The following MYPOP variants were observed in gnomAD, a reference collection of about 807,000 sequenced individuals.
MYPOP encodes Myb related transcription factor, partner of profilin.
MYPOP carries 21 observed loss-of-function variants against 25.7 expected under a neutral mutation model. The observed-to-expected ratio is 0.82, with a 90% CI of 0.58 to 1.18. The LOEUF (loss-of-function observed/expected upper bound fraction) is 1.18. Ranked by LOEUF, MYPOP falls within the 50% of genes most tolerant of loss-of-function variation. The pLI is 0.00. For missense variants in MYPOP, 566 were observed against 588.3 expected (o/e 0.96, Z 0.39); for synonymous variants, 280 against 247.9 (o/e 1.13, Z -1.22).
intron 2 of MYPOP, among the ~76,000 whole-genome samples, chr19:45,895,776 CT>C (rs1967195094): frequency 6.6e-6 from 1 of 152,284 alleles, no homozygotes; most frequent in Admixed American, 6.6e-5. Flanking sequence ...GCTATGGGGC[CT>C]CAGCACTTGC....
intron 1 of MYPOP, among the ~76,000 whole-genome samples, chr19:45,902,119 G>A (rs1314109589): frequency 6.7e-6 from 1 of 149,194 alleles, no homozygotes; most frequent in African/African-American, 2.5e-5. Flanking sequence ...GAGAGGAGGT[G>A]TCTGCAGGAG....
chr19:45,899,158 G>A (rs528148171), intron 2 of MYPOP, among the ~76,000 whole-genome samples: 1 of 152,190 alleles, frequency 6.6e-6, no homozygotes, highest in Non-Finnish European at 1.5e-5. Flanking sequence ...CCTGGGAGGC[G>A]GAGGTTGCGG....
At position 45,901,287 on chromosome 19, in the gene MYPOP, C is replaced by T; in HGVS notation, c.487G>A (p.Asp163Asn). The T allele has an allele frequency of 6.9e-7, 1 of 1,449,464 alleles. No homozygotes were observed. The highest frequency in any genetic ancestry group is 9.1e-7 in the Non-Finnish European group (1 of 1,102,258). The allele number at this position is 1,449,464 out of a possible 1,614,324, so 89.8% of individuals were successfully genotyped here. A position where few individuals can be genotyped will look rare whatever the true frequency, so the allele number is the denominator to read the frequency against. The change falls in exon 2 of 3, where the codon GAC becomes AAC. Residue 163 changes from aspartate (D) to asparagine (N), a missense_variant. Asp to Asn is a conservative substitution (Grantham distance 23, BLOSUM62 1). Transcript: ENST00000322217. The surrounding 1 kb of genome is among the most constrained non-coding windows in gnomAD (Gnocchi z 5.7). ...TGAAGACACTCACCTGCACGTCGGTCCTCCCGGCGGTCTTCCGACAACACG... is the reference window on the plus strand; with the variant it reads ...TGAAGACACTCACCTGCACGTCGGTTCTCCCGGCGGTCTTCCGACAACACG... The part of the protein sequence containing the change: ...RYVLSEDRRE[D>N]RRADTSAHSK...
intron 2 of MYPOP, among the ~76,000 whole-genome samples, chr19:45,900,002 G>A (rs1967264138): frequency 6.6e-6 from 1 of 152,178 alleles, no homozygotes; most frequent in Non-Finnish European, 1.5e-5. Context: ...ATGGACTGGG[G>A]GTTGGACGCA....
chr19:45,898,081 G>A (rs747300556), intron 2 of MYPOP, among the ~76,000 whole-genome samples: 1 of 151,742 alleles, frequency 6.6e-6, no homozygotes, highest in South Asian at 2.1e-4. Flanking sequence ...GTGCCACCAC[G>A]TCCAGCTAAT....
At chr19:45,891,618 A>G (rs1967127754) in intron 2 of MYPOP, among the ~76,000 whole-genome samples, 2 of 151,862 alleles carry the variant, frequency 1.3e-5, no homozygotes, top group African/African-American at 2.4e-5. Flanking sequence ...TCTATTTTTA[A>G]TAAGAGACAG....
rs540285731 is a variant in MYPOP, at chr19:45,902,586, G to C, written c.-69C>G. The stretch of plus-strand genomic sequence containing the variant: ...GTCACTCACCGGCTCCGCCGCAGCC[G>C]CCGGTGGGTCAGGGCTCGGGCTTCT... On this transcript the variant is annotated 5_prime_UTR_variant, in exon 1 of 3. Coordinates refer to ENST00000322217, the MANE Select transcript of MYPOP (RefSeq NM_001012643.4). 6.6e-6 allele frequency: 1 copy of C among 152,350 alleles called. No homozygotes were observed. Among genetic ancestry groups the C allele is most frequent in the Non-Finnish European group, 1.5e-5 (1 of 68,036 alleles). 9.4% of individuals were successfully genotyped at this position (152,350 alleles called of 1,614,324 possible). A position where few individuals can be genotyped will look rare whatever the true frequency, so the allele number is the denominator to read the frequency against.
intron 2 of MYPOP, among the ~76,000 whole-genome samples, chr19:45,895,006 C>T (rs887181936): frequency 2.6e-5 from 4 of 152,058 alleles, no homozygotes; most frequent in Non-Finnish European, 4.4e-5. Context: ...GTAAGCACTG[C>T]GCCCGGCCTT....
intron 2 of MYPOP, among the ~76,000 whole-genome samples, chr19:45,892,743 A>G (rs1022035413): frequency 6.6e-6 from 1 of 152,180 alleles, no homozygotes; most frequent in East Asian, 1.9e-4. Flanking sequence ...AATTAAATAC[A>G]TACAACTTCT....
Position 45,901,745 on chromosome 19 carries a change from T to C in MYPOP, c.29A>G (p.Glu10Gly). The C allele has an allele frequency of 6.6e-7, 1 of 1,505,078 alleles. No individual in the cohort carries two copies. The highest frequency in any genetic ancestry group is 8.9e-7 in the Non-Finnish European group (1 of 1,129,544). The allele number at this position is 1,505,078 out of a possible 1,614,324, so 93.2% of individuals were successfully genotyped here. MASAAAGEA[E>G]ETTRLRKPRF... is the part of the protein sequence containing the mutation. ...CGGCTTGCGCAACCGGGTGGTTTCC[T>C]CCGCTTCGCCCGCCGCCGCCGAGGC... Residue 10 changes from glutamate (E) to glycine (G), a missense_variant, in exon 2 of 3, where the codon GAG (glutamate) becomes GGG (glycine). Coordinates refer to ENST00000322217, the MANE Select transcript of MYPOP (RefSeq NM_001012643.4). The surrounding 1 kb of genome is among the most constrained non-coding windows in gnomAD (Gnocchi z 5.7).
Position 45,901,845 on chromosome 19 carries a change from G to A in MYPOP, c.-52-20C>T, listed in dbSNP as rs1967302266. 1 of 1,192,486 alleles carries A rather than the reference G, an allele frequency of 8.4e-7. No individual in the cohort carries two copies. 73.9% of individuals were successfully genotyped at this position (1,192,486 alleles called of 1,614,324 possible). On this transcript the variant is annotated intron_variant, in intron 1 of 2. Transcript: ENST00000322217. This position sits in a 1 kb window ranked among gnomAD's most constrained non-coding sequence, Gnocchi z 5.7. ...CCGGCGCTGCGGGCAAAGGGCGCAC[G>A]GGGCTGGCTGGGGTTCGGGGTCCCC...
rs534543236 is a variant in MYPOP, at chr19:45,892,022, C to T, written c.500-699G>A. ...GCAACCTCTGTCTTCCGGCTTCAAA[C>T]GATTATCCTGCCTCAGCCTCCTAAG... is the stretch of plus-strand genomic sequence containing the variant. On this transcript the variant is annotated intron_variant, in intron 2 of 2. Transcript: ENST00000322217. 1.6e-4 allele frequency among the ~76,000 whole-genome samples: 24 copies of T among 152,182 alleles called. No individual in the cohort carries two copies. The South Asian group carries it at 3.9e-3, about 25-fold the overall frequency.
chr19:45,895,335 T>A (rs1158112495), intron 2 of MYPOP, among the ~76,000 whole-genome samples: 1 of 152,162 alleles, frequency 6.6e-6, no homozygotes, highest in African/African-American at 2.4e-5. Context: ...AACCTCTGCC[T>A]CCTGGGCTCA....
In MYPOP at chr19:45,891,152, G is replaced by C; in HGVS notation, c.671C>G (p.Ala224Gly). ...PRLALSPPPP[A>G]PPLPPPPPLA... ...TGGCGGTGGGGGTGGCAGTGGAGGG[G>C]CTGGGGGTGGTGGAGACAAGGCCAG... Residue 224 changes from alanine to glycine, a missense_variant, in exon 3 of 3, where the codon GCC (alanine) becomes GGC (glycine). Coordinates refer to ENST00000322217, the MANE Select transcript of MYPOP (RefSeq NM_001012643.4). 6.6e-7 allele frequency: 1 copy of C among 1,504,892 alleles called. No individual in the cohort carries two copies. The highest frequency in any genetic ancestry group is 2.4e-4 in the Middle Eastern group (1 of 4,232). The allele number at this position is 1,504,892 out of a possible 1,614,324, so 93.2% of individuals were successfully genotyped here.
At chr19:45,896,432 G>A (rs949553481) in intron 2 of MYPOP, among the ~76,000 whole-genome samples, 12 of 152,164 alleles carry the variant, frequency 7.9e-5, no homozygotes, top group Non-Finnish European at 1.5e-4. Context: ...ACCTGCTCCC[G>A]CCAGGCCCTG....
chr19:45,900,360 C>T (rs1293450520), intron 2 of MYPOP, among the ~76,000 whole-genome samples: 1 of 152,120 alleles, frequency 6.6e-6, no homozygotes, highest in Non-Finnish European at 1.5e-5. Context: ...CATGCTGTTC[C>T]CTCTACCAAA....
At position 45,901,811 on chromosome 19, in the gene MYPOP, T is replaced by C; in HGVS notation, c.-38A>G. 1 of 1,331,156 alleles carries C rather than the reference T, an allele frequency of 7.5e-7. No individual in the cohort carries two copies. The highest frequency in any genetic ancestry group is 9.6e-7 in the Non-Finnish European group (1 of 1,042,420). The allele number at this position is 1,331,156 out of a possible 1,614,324, so 82.5% of individuals were successfully genotyped here. A position where few individuals can be genotyped will look rare whatever the true frequency, so the allele number is the denominator to read the frequency against. The stretch of plus-strand genomic sequence containing the variant: ...CGCCGCCGTCCTGCCGTCTGGCGCA[T>C]GGGGGGCGCCGGCGCTGCGGGCAAA... On this transcript the variant is annotated 5_prime_UTR_variant, in exon 2 of 3. An upstream start codon of the reference 5' UTR is lost. Transcript: ENST00000322217. This position sits in a 1 kb window ranked among gnomAD's most constrained non-coding sequence, Gnocchi z 5.7.
intron 2 of MYPOP, among the ~76,000 whole-genome samples, chr19:45,896,163 C>T (rs537477555): frequency 2.0e-5 from 3 of 152,188 alleles, no homozygotes; most frequent in South Asian, 4.1e-4. Context: ...TGGTGGTGCA[C>T]GCCTGTGATC....
chr19:45,893,373 A>G (rs1967152701), intron 2 of MYPOP, among the ~76,000 whole-genome samples: 1 of 151,968 alleles, frequency 6.6e-6, no homozygotes, highest in Non-Finnish European at 1.5e-5. Context: ...GTTTGAGACC[A>G]GCCTGACCAA....
Sources: gnomAD v4.1 joint callset for allele counts (sites outside exome capture counted in the v4.1 genomes callset) on GRCh38, gnomAD v4.1.1 for gene constraint, Gnocchi (gnomAD v3.1) non-coding constraint, MANE v1.5 for transcripts, NCBI Gene and HGNC (gene_info 2026-07-23, HGNC 2026-07-21) for gene names.